PCED1B: variants seen among roughly 807,000 people sequenced by gnomAD.
The protein encoded by PCED1B is PC-esterase domain-containing protein 1B.
For missense variants in PCED1B, 573 were observed against 573.9 expected, an observed-to-expected ratio of 1.00 and a Z score of 0.02; for synonymous variants, 251 against 246.1, an observed-to-expected ratio of 1.02 and a Z score of -0.19.
At chr12:47,165,208 T>C (rs961521254) in intron 2 of PCED1B, among the ~76,000 whole-genome samples, 1 of 152,220 alleles carries the variant, frequency 6.6e-6, no homozygotes, top group Non-Finnish European at 1.5e-5. Flanking sequence ...TTTTGGACTT[T>C]CAGCATGCAG....
At position 47,228,038 on chromosome 12, in the gene PCED1B, C is replaced by CCT. The variant is rs1555157295; in HGVS notation, c.-57-6969_-57-6968insCT. The stretch of plus-strand genomic sequence containing the variant: ...CTCTTCTTCTTTGTTTTTTCTTTTC[C>CCT]TTTTTTTTTTTTTGAGACAAAGTCA... On this transcript the variant is annotated intron_variant, in intron 3 of 3. Transcript: ENST00000546455. Among the ~76,000 whole-genome samples, 194 of 143,510 alleles carry CCT rather than the reference C, an allele frequency of 1.4e-3. 1 individual carries two copies. The highest frequency in any genetic ancestry group is 4.6e-3 in the African/African-American group (180 of 39,044). The allele number at this position is 143,510 out of a possible 152,430, so 94.1% of individuals were successfully genotyped here.
chr12:47,096,830 C>A (rs1438484954), intron 1 of PCED1B, among the ~76,000 whole-genome samples: 1 of 152,138 alleles, frequency 6.6e-6, no homozygotes, highest in Non-Finnish European at 1.5e-5. Context: ...AATAGTGCCA[C>A]TATGTAAGTT....
chr12:47,090,756 A>G (rs1317036921), intron 1 of PCED1B, among the ~76,000 whole-genome samples: 1 of 152,030 alleles, frequency 6.6e-6, no homozygotes, highest in Non-Finnish European at 1.5e-5. Context: ...ATTCATCCAT[A>G]CTTTTGTATG....
intron 3 of PCED1B, among the ~76,000 whole-genome samples, chr12:47,233,477 G>A (rs1943875079): frequency 6.6e-6 from 1 of 152,216 alleles, no homozygotes; most frequent in Admixed American, 6.5e-5. Context: ...GGAAAACAGT[G>A]AAACTCAAGG....
intron 1 of PCED1B, among the ~76,000 whole-genome samples, chr12:47,098,400 A>G (rs905418805): frequency 6.6e-6 from 1 of 152,268 alleles, no homozygotes; most frequent in Non-Finnish European, 1.5e-5. Flanking sequence ...GCCAAAGTCT[A>G]TGAACAAAGG....
intron 2 of PCED1B, among the ~76,000 whole-genome samples, chr12:47,134,791 C>A (rs1214569248): frequency 3.9e-5 from 6 of 152,166 alleles, no homozygotes; most frequent in Non-Finnish European, 8.8e-5. Context: ...TTGCTTGAAC[C>A]CCAGAGGCAG....
At chr12:47,188,968 G>A (rs1351013068) in intron 2 of PCED1B, among the ~76,000 whole-genome samples, 1 of 152,056 alleles carries the variant, frequency 6.6e-6, no homozygotes, top group Admixed American at 6.6e-5. Flanking sequence ...TTCTGATTAG[G>A]TCACTGTGAA....
At chr12:47,107,108 A>C (rs925476056) in intron 2 of PCED1B, among the ~76,000 whole-genome samples, 2 of 152,206 alleles carry the variant, frequency 1.3e-5, no homozygotes, top group Non-Finnish European at 2.9e-5. Context: ...CATGATACCA[A>C]GTGCCCTGAT....
chr12:47,208,228 C>G (rs1942969006), intron 2 of PCED1B, among the ~76,000 whole-genome samples: 1 of 142,758 alleles, frequency 7.0e-6, no homozygotes, highest in Non-Finnish European at 1.6e-5. Context: ...GTAAACTTAG[C>G]CATTTTGGTT....
At chr12:47,221,879 T>A (rs1943487718) in intron 3 of PCED1B, among the ~76,000 whole-genome samples, 1 of 140,760 alleles carries the variant, frequency 7.1e-6, no homozygotes, top group African/African-American at 2.7e-5. Flanking sequence ...AGGCAGGAGG[T>A]TTACTTGAAA....
At chr12:47,172,274 G>A (rs1293736852) in intron 2 of PCED1B, among the ~76,000 whole-genome samples, 1 of 146,916 alleles carries the variant, frequency 6.8e-6, no homozygotes, top group Non-Finnish European at 1.5e-5. Context: ...CTACTAATTT[G>A]AACCCAGCAT....
intron 1 of PCED1B, among the ~76,000 whole-genome samples, chr12:47,102,853 T>C (rs900272142): frequency 2.0e-5 from 3 of 152,224 alleles, no homozygotes; most frequent in Non-Finnish European, 4.4e-5. Flanking sequence ...ATAAGTAACG[T>C]AGAAGAGTTT....
chr12:47,144,781 G>C (rs371667622), intron 2 of PCED1B, among the ~76,000 whole-genome samples: 1 of 152,172 alleles, frequency 6.6e-6, no homozygotes, highest in African/African-American at 2.4e-5. Context: ...ATCAACAAAC[G>C]TTGTGTGTGT....
chr12:47,129,690 G>A (rs761978974), intron 2 of PCED1B, among the ~76,000 whole-genome samples: 1 of 152,168 alleles, frequency 6.6e-6, no homozygotes, highest in Non-Finnish European at 1.5e-5. Flanking sequence ...TCTAAAGAGA[G>A]CTCCTGAAAT....
At chr12:47,199,324 C>A (rs1256525767) in intron 2 of PCED1B, among the ~76,000 whole-genome samples, 1 of 152,154 alleles carries the variant, frequency 6.6e-6, no homozygotes, top group African/African-American at 2.4e-5. Context: ...TTCCTGATAA[C>A]TTGATCTATA....
chr12:47,120,094 G>A (rs925354614), intron 2 of PCED1B, among the ~76,000 whole-genome samples: 4 of 152,020 alleles, frequency 2.6e-5, no homozygotes, highest in African/African-American at 4.8e-5. Flanking sequence ...GATGCTCAAC[G>A]TTATTAGTCA....
At chr12:47,132,699 G>A (rs1303570799) in intron 2 of PCED1B, among the ~76,000 whole-genome samples, 2 of 152,168 alleles carry the variant, frequency 1.3e-5, no homozygotes, top group African/African-American at 4.8e-5. Flanking sequence ...GAAAACTGGA[G>A]GGATACTATA....
chr12:47,140,978 A>G (rs1818951060), intron 2 of PCED1B, among the ~76,000 whole-genome samples: 1 of 152,190 alleles, frequency 6.6e-6, no homozygotes, highest in South Asian at 2.1e-4. Context: ...CAGCTGACAG[A>G]CTACATGCCT....
chr12:47,206,954 T>C (rs955867107), intron 2 of PCED1B, among the ~76,000 whole-genome samples: 4 of 152,214 alleles, frequency 2.6e-5, no homozygotes, highest in African/African-American at 9.6e-5. Flanking sequence ...TAAATGGCTA[T>C]TCGAATGGCC....
Sources: allele counts gnomAD v4.1 joint callset (sites outside exome capture counted in the v4.1 genomes callset), GRCh38; gene constraint gnomAD v4.1.1; transcripts MANE v1.5; gene names NCBI Gene and HGNC (gene_info 2026-07-23, HGNC 2026-07-21).